The following RMND5A variants were observed in gnomAD, a reference collection of about 807,000 sequenced individuals.
The protein encoded by RMND5A is required for meiotic nuclear division 5 homolog A.
A neutral mutation model predicts 49.7 loss-of-function variants in RMND5A; 17 were observed. The observed-to-expected ratio is 0.34, with a 90% CI of 0.23 to 0.51. The LOEUF (loss-of-function observed/expected upper bound fraction) is 0.51, where lower values mean the gene tolerates loss of function less well. Among genes scored for constraint, RMND5A ranks in the 20% least tolerant of loss-of-function variants. The pLI is 0.96. For missense variants in RMND5A, 255 were observed against 471.3 expected, an observed-to-expected ratio of 0.54 and a Z score of 4.25; for synonymous variants, 156 against 167.7, an observed-to-expected ratio of 0.93 and a Z score of 0.54.
At chr2:86,772,010 C>A (rs1441226286) in intron 8 of RMND5A, among the ~76,000 whole-genome samples, 2 of 152,178 alleles carry the variant, frequency 1.3e-5, no homozygotes, top group African/African-American at 4.8e-5. Flanking sequence ...TTGCTGTTTT[C>A]ACTTAGTGAT....
intron 4 of RMND5A, among the ~76,000 whole-genome samples, chr2:86,759,707 C>G (rs1489037084): frequency 1.3e-5 from 2 of 148,960 alleles, no homozygotes; most frequent in East Asian, 4.2e-4. Flanking sequence ...GGCTGAGGCA[C>G]AAGAATCACT....
intron 6 of RMND5A, among the ~76,000 whole-genome samples, chr2:86,767,695 G>T (rs1672624520): frequency 6.6e-6 from 1 of 152,198 alleles, no homozygotes; most frequent in Non-Finnish European, 1.5e-5. Flanking sequence ...CAGACAAATG[G>T]ATTTTAATGT....
Position 86,773,432 on chromosome 2 carries a change from A to G in RMND5A, c.*21A>G, listed in dbSNP as rs887705737. 4 of 1,519,980 alleles carry G rather than the reference A, an allele frequency of 2.6e-6. No individual in the cohort carries two copies. Among genetic ancestry groups the G allele is most frequent in the South Asian group, 1.1e-5 (1 of 88,966 alleles). 94.2% of individuals were successfully genotyped at this position (1,519,980 alleles called of 1,614,324 possible). On this transcript the variant is annotated 3_prime_UTR_variant, in exon 9 of 9. Coordinates refer to ENST00000283632, the MANE Select transcript of RMND5A (RefSeq NM_022780.4). ...TCTGAAGAGATAACTTTAGTTTGCA[A>G]TTTGTAAGTGAAACTGAATCGTGGG...
intron 6 of RMND5A, among the ~76,000 whole-genome samples, chr2:86,767,366 AAT>A (rs1672617214): frequency 6.6e-6 from 1 of 151,770 alleles, no homozygotes; most frequent in Admixed American, 6.6e-5. Flanking sequence ...CCAGCCTTGG[AAT>A]AGTTTTTACT....
chr2:86,721,245 A>G (rs562364082), intron 1 of RMND5A: 237 of 160,186 alleles, frequency 1.5e-3, no homozygotes, highest in Non-Finnish European at 2.2e-3. Flanking sequence ...AGGGCAGTGC[A>G]GGAAGCTCCG....
chr2:86,745,431 G>C (rs112307758), intron 2 of RMND5A, among the ~76,000 whole-genome samples: 11 of 152,334 alleles, frequency 7.2e-5, no homozygotes, highest in African/African-American at 2.4e-4. Flanking sequence ...GTAAGATTTA[G>C]AGCAGCAGAA....
At chr2:86,759,567 A>T (rs1019115469) in intron 4 of RMND5A, among the ~76,000 whole-genome samples, 5 of 148,744 alleles carry the variant, frequency 3.4e-5, no homozygotes, top group African/African-American at 1.3e-4. Context: ...AATTTTTTTA[A>T]AAAAATTATA....
intron 3 of RMND5A, among the ~76,000 whole-genome samples, chr2:86,752,256 C>G (rs1017816117): frequency 6.6e-6 from 1 of 151,878 alleles, no homozygotes; most frequent in East Asian, 1.9e-4. Flanking sequence ...TTTTCTTGTT[C>G]CTGTCCCAGA....
chr2:86,759,873 G>A (rs955583905), intron 4 of RMND5A, among the ~76,000 whole-genome samples: 40 of 152,194 alleles, frequency 2.6e-4, no homozygotes, highest in Non-Finnish European at 1.2e-4. Flanking sequence ...AATAGAAAAC[G>A]AATTTCGTTT....
chr2:86,770,923 A>G (rs1390484273), intron 7 of RMND5A, among the ~76,000 whole-genome samples: 1 of 151,842 alleles, frequency 6.6e-6, no homozygotes, highest in Admixed American at 6.6e-5. Context: ...TGTGTCACAG[A>G]CCCTGAAAAG....
intron 6 of RMND5A, 30 bp from the exon 7 acceptor site, chr2:86,769,993 G>C: frequency 6.4e-7 from 1 of 1,555,644 alleles, no homozygotes; most frequent in Non-Finnish European, 8.9e-7. Context: ...CCCTGGCCTG[G>C]CACTGACGTT....
At chr2:86,769,287 T>A (rs972652456) in intron 6 of RMND5A, among the ~76,000 whole-genome samples, 2 of 152,192 alleles carry the variant, frequency 1.3e-5, no homozygotes, top group African/African-American at 4.8e-5. Flanking sequence ...ATTCTGTACT[T>A]CTTTCCTGTG....
intron 4 of RMND5A, among the ~76,000 whole-genome samples, chr2:86,759,498 A>G (rs558418220): frequency 6.6e-6 from 1 of 152,232 alleles, no homozygotes; most frequent in South Asian, 2.1e-4. Flanking sequence ...GTTTCTCTAA[A>G]TGGAGTAATT....
At chr2:86,747,329 C>T (rs1412953665) in intron 2 of RMND5A, among the ~76,000 whole-genome samples, 1 of 152,142 alleles carries the variant, frequency 6.6e-6, no homozygotes, top group East Asian at 1.9e-4. Context: ...ATTTCATGTT[C>T]TGTCCATTTT....
intron 4 of RMND5A, among the ~76,000 whole-genome samples, chr2:86,756,737 G>T (rs1003435039): frequency 1.3e-5 from 2 of 152,184 alleles, no homozygotes; most frequent in African/African-American, 4.8e-5. Context: ...TACAAGGCGG[G>T]AGATATCTGC....
At chr2:86,734,754 A>C (rs2104387034) in intron 1 of RMND5A, among the ~76,000 whole-genome samples, 1 of 148,978 alleles carries the variant, frequency 6.7e-6, no homozygotes, top group Middle Eastern at 3.4e-3. Flanking sequence ...CGTACCTGGC[A>C]CCCTTTTTAT....
chr2:86,772,231 C>T (rs140604800), intron 8 of RMND5A, among the ~76,000 whole-genome samples: 4 of 152,230 alleles, frequency 2.6e-5, no homozygotes, highest in African/African-American at 9.6e-5. Context: ...AGGCGGATCA[C>T]GAGGTCAGGA....
At chr2:86,757,687 A>G (rs1681767191) in intron 4 of RMND5A, among the ~76,000 whole-genome samples, 1 of 152,246 alleles carries the variant, frequency 6.6e-6, no homozygotes, top group African/African-American at 2.4e-5. Flanking sequence ...GCCTTCCTAA[A>G]CGTGTCTCAA....
chr2:86,773,630 C>G lies in RMND5A; in HGVS notation c.*219C>G. On this transcript the variant is annotated 3_prime_UTR_variant, in exon 9 of 9. Transcript: ENST00000283632. The stretch of plus-strand genomic sequence containing the variant: ...TATATTCTTGGTCTTCATTTCTGAT[C>G]AAGTAAATACACCAGCAGTTGTCAT... The G allele has an allele frequency of 2.7e-6, 1 of 365,696 alleles. No homozygotes were observed. The highest frequency in any genetic ancestry group is 4.9e-6 in the Non-Finnish European group (1 of 203,142). 22.7% of individuals were successfully genotyped at this position (365,696 alleles called of 1,614,324 possible).
Sources: allele counts gnomAD v4.1 joint callset (sites outside exome capture counted in the v4.1 genomes callset), GRCh38; gene constraint gnomAD v4.1.1; transcripts MANE v1.5; gene names NCBI Gene and HGNC (gene_info 2026-07-23, HGNC 2026-07-21).